The following PCDHGA2 variants were observed in gnomAD, a reference collection of about 807,000 sequenced individuals.
PCDHGA2 encodes the protein protocadherin gamma-A2.
A neutral mutation model predicts 59.2 loss-of-function variants in PCDHGA2; 40 were observed. The ratio of observed to expected loss-of-function variants is 0.68; its 90% confidence interval spans 0.52 to 0.88. PCDHGA2 has a LOEUF of 0.88. Among genes scored for constraint, PCDHGA2 ranks in the 40% least tolerant of loss-of-function variants. The pLI is 0.00. For missense variants in PCDHGA2, 1,226 were observed against 1,204.0 expected, an observed-to-expected ratio of 1.02 and a Z score of -0.27; for synonymous variants, 560 against 526.0, an observed-to-expected ratio of 1.06 and a Z score of -0.89.
At chr5:141,403,565 G>A in intron 1 of PCDHGA2, 8 of 1,613,952 alleles carry the variant, frequency 5.0e-6, no homozygotes, top group Non-Finnish European at 6.8e-6. Context: ...CAGGGAGGAG[G>A]CAACTGCCCA....
At chr5:141,362,509 A>T (rs1561527206) in intron 1 of PCDHGA2, 16 of 1,614,038 alleles carry the variant, frequency 9.9e-6, no homozygotes, top group Non-Finnish European at 1.4e-5. Flanking sequence ...ACAAAATACA[A>T]ATCATGGAGC....
At chr5:141,421,508 A>C in intron 1 of PCDHGA2, 1 of 1,614,046 alleles carries the variant, frequency 6.2e-7, no homozygotes, top group Non-Finnish European at 8.5e-7. Context: ...ATAGACCGGG[A>C]GGAGCTCTGT....
chr5:141,494,586 G>A (rs770159202), intron 1 of PCDHGA2, among the ~76,000 whole-genome samples: 1 of 152,112 alleles, frequency 6.6e-6, no homozygotes, highest in Non-Finnish European at 1.5e-5. Context: ...GCTCACTGTG[G>A]TCAGATGAAA....
At chr5:141,419,436 G>T (rs756968644) in intron 1 of PCDHGA2, 1 of 1,613,144 alleles carries the variant, frequency 6.2e-7, no homozygotes, top group East Asian at 2.2e-5. Context: ...GAGCAGCTGC[G>T]CACCTTCGAG....
chr5:141,398,938 G>T (rs201463346), intron 1 of PCDHGA2: 467 of 1,613,840 alleles, frequency 2.9e-4, no homozygotes, highest in Non-Finnish European at 3.7e-4. Context: ...TGACCAAGAC[G>T]AGGGCATCAA....
intron 1 of PCDHGA2, chr5:141,384,446 C>A (rs781605513): frequency 6.2e-7 from 1 of 1,613,916 alleles, no homozygotes; most frequent in African/African-American, 1.3e-5. Flanking sequence ...GTCCTGTACG[C>A]GCTGCAATCC....
At chr5:141,450,986 G>A (rs950903600) in intron 1 of PCDHGA2, among the ~76,000 whole-genome samples, 15 of 151,310 alleles carry the variant, frequency 9.9e-5, no homozygotes, top group Non-Finnish European at 1.3e-4. Context: ...CACCACACCC[G>A]GCTAATTTTT....
chr5:141,490,641 G>A lies in PCDHGA2; in HGVS notation c.2425-4166G>A. 3 of 1,614,160 alleles carry A rather than the reference G, an allele frequency of 1.9e-6. No homozygotes were observed. On this transcript the variant is annotated intron_variant, in intron 1 of 3. Transcript: ENST00000394576. This position sits in a 1 kb window ranked among gnomAD's most constrained non-coding sequence, Gnocchi z 5.4. Reference sequence around the variant, plus strand: ...ACACTGCTTACATCCTAGAAAACCGGCCTCCGGGCTCCCTTCTTTGCACTG... The same window carrying A: ...ACACTGCTTACATCCTAGAAAACCGACCTCCGGGCTCCCTTCTTTGCACTG...
rs760572189 is a variant in PCDHGA2 at position 141,477,159 on chromosome 5, A to G, written c.2425-17648A>G. ...GTGGAGGTTGTGGATGTGAATGACA[A>G]CGCCCCGGAGATCACAGTCACCTCC... is the stretch of plus-strand genomic sequence containing the variant. On this transcript the variant is annotated intron_variant, in intron 1 of 3. Transcript: ENST00000394576. The surrounding 1 kb of genome is among the most constrained non-coding windows in gnomAD (Gnocchi z 4.9). The G allele has an allele frequency of 1.7e-5, 28 of 1,613,854 alleles. No individual in the cohort carries two copies. In the South Asian group the frequency reaches 3.1e-4, roughly 18 times the overall value.
chr5:141,393,446 C>A (rs572838831), intron 1 of PCDHGA2: 1 of 1,614,038 alleles, frequency 6.2e-7, no homozygotes, highest in East Asian at 2.2e-5. Flanking sequence ...ACCACCTGGT[C>A]CTCACGGCCT....
chr5:141,404,334 T>G (rs1201635505), intron 1 of PCDHGA2: 2 of 1,613,882 alleles, frequency 1.2e-6, no homozygotes, highest in Non-Finnish European at 1.7e-6. Flanking sequence ...TCAGTCTACC[T>G]CCCGGAAAAC....
Position 141,347,453 on chromosome 5 carries a change from C to A in PCDHGA2, c.2424+6058C>A, listed in dbSNP as rs187746459. On this transcript the variant is annotated intron_variant, in intron 1 of 3. Transcript: ENST00000394576. ...TAGAGGCATGAGCCACCATGCCTGGCCTGTTATTCTTTTCATCTCAATAAC... is the reference window on the plus strand; with the variant it reads ...TAGAGGCATGAGCCACCATGCCTGGACTGTTATTCTTTTCATCTCAATAAC... Among the ~76,000 whole-genome samples the A allele has an allele frequency of 4.0e-4, 61 of 152,114 alleles. 1 individual carries two copies. The highest frequency in any genetic ancestry group is 7.4e-4 in the Non-Finnish European group (50 of 68,004).
chr5:141,370,278 A>G, intron 1 of PCDHGA2: 2 of 888,588 alleles, frequency 2.3e-6, no homozygotes, highest in Non-Finnish European at 3.4e-6. Flanking sequence ...GGAGACACCC[A>G]TTAGAGAACC....
chr5:141,384,384 C>A (rs142665639), intron 1 of PCDHGA2: 102 of 1,613,934 alleles, frequency 6.3e-5, no homozygotes, highest in Non-Finnish European at 8.3e-5. Context: ...CCGAAGACAC[C>A]ATCCAGGGGG....
chr5:141,396,662 G>C (rs1589287769), intron 1 of PCDHGA2: 1 of 151,614 alleles, frequency 6.6e-6, no homozygotes, highest in Admixed American at 6.6e-5. Context: ...ACTCGGTATA[G>C]GCTATCCATT....
At chr5:141,382,828 G>T (rs986779175) in intron 1 of PCDHGA2, 1 of 1,372,334 alleles carries the variant, frequency 7.3e-7, no homozygotes. Context: ...AGACAGAGGG[G>T]TCCACCCGGA....
chr5:141,409,566 C>G (rs750850161), intron 1 of PCDHGA2: 1 of 1,613,978 alleles, frequency 6.2e-7, no homozygotes, highest in South Asian at 1.1e-5. Flanking sequence ...TTCGACCAGA[C>G]GTCCTACGTG....
At chr5:141,408,806 C>T in intron 1 of PCDHGA2, 1 of 1,613,010 alleles carries the variant, frequency 6.2e-7, no homozygotes, top group Non-Finnish European at 8.5e-7. Flanking sequence ...ACTCCTAGAC[C>T]GGGAAGAACA....
At chr5:141,427,986 G>C in intron 1 of PCDHGA2, 1 of 1,598,018 alleles carries the variant, frequency 6.3e-7, no homozygotes, top group East Asian at 2.2e-5. Context: ...GCTGGGGCCC[G>C]ATGGCTCCGC....
Sources: allele counts gnomAD v4.1 joint callset (sites outside exome capture counted in the v4.1 genomes callset), GRCh38; gene constraint gnomAD v4.1.1; non-coding constraint Gnocchi (gnomAD v3.1); transcripts MANE v1.5; gene names NCBI Gene and HGNC (gene_info 2026-07-23, HGNC 2026-07-21).